MSI2: variants seen among roughly 807,000 people sequenced by gnomAD.
The protein encoded by MSI2 is RNA-binding protein Musashi homolog 2.
Under a neutral mutation model 45.6 loss-of-function variants are expected in MSI2, and 17 were observed. The ratio of observed to expected loss-of-function variants is 0.37; its 90% CI spans 0.26 to 0.56. The LOEUF (loss-of-function observed/expected upper bound fraction) is 0.56, where lower values mean the gene tolerates loss of function less well. Among genes scored for constraint, MSI2 ranks in the 20% least tolerant of loss-of-function variants. The probability of loss-of-function intolerance (pLI) is 0.77; values close to 1 mark genes in which losing one functional copy is unlikely to be tolerated. For missense variants in MSI2, 293 were observed against 444.2 expected (o/e 0.66, Z 3.06); for synonymous variants, 156 against 158.2 (o/e 0.99, Z 0.11).
chr17:57,325,487 A>C, intron 5 of MSI2, among the ~76,000 whole-genome samples: 1 of 152,240 alleles, frequency 6.6e-6, no homozygotes, highest in South Asian at 2.1e-4. Context: ...AAGAAAGTGG[A>C]GTCTAAAAAA....
At position 57,682,311 on chromosome 17, in the gene MSI2, T is replaced by C. The variant is rs1913652848; in HGVS notation, c.*2794T>C. On this transcript the variant is annotated 3_prime_UTR_variant, in exon 14 of 14. Transcript: ENST00000284073. ...AATGCCGGCGGACTCTACGGCGTTT[T>C]GTAGATCCCCCCCCCCCCACCCACT... 1 of 183,596 alleles carries C rather than the reference T, an allele frequency of 5.4e-6. No individual in the cohort carries two copies. The highest frequency in any genetic ancestry group is 6.7e-5 in the Admixed American group (1 of 14,844). The allele number at this position is 183,596 out of a possible 1,614,324, so 11.4% of individuals were successfully genotyped here.
At chr17:57,390,726 T>C (rs1444065481) in intron 5 of MSI2, among the ~76,000 whole-genome samples, 1 of 152,210 alleles carries the variant, frequency 6.6e-6, no homozygotes, top group Non-Finnish European at 1.5e-5. Flanking sequence ...CAGGCCAGAT[T>C]GTTGCTGATG....
the MSI2 span, among the ~76,000 whole-genome samples, chr17:57,695,815 G>A: frequency 4.3e-4 from 65 of 152,284 alleles, no homozygotes; most frequent in African/African-American, 1.4e-3. Context: ...AGATCAGGGC[G>A]CTGACTGTTC....
intron 5 of MSI2, chr17:57,265,218 AT>A (rs1270624903): frequency 6.6e-6 from 1 of 152,176 alleles, no homozygotes; most frequent in East Asian, 1.9e-4. Context: ...TTTATCGATT[AT>A]CTCCCTTCAA....
chr17:57,679,375 A>G (rs1019032202), intron 13 of MSI2, among the ~76,000 whole-genome samples, 174 bp from the exon 14 acceptor site: 1 of 152,236 alleles, frequency 6.6e-6, no homozygotes, highest in Non-Finnish European at 1.5e-5. Flanking sequence ...TGATCTCAGT[A>G]AGCTTCTAGC....
chr17:57,402,756 G>C (rs1051303540), intron 6 of MSI2, among the ~76,000 whole-genome samples: 1 of 152,328 alleles, frequency 6.6e-6, no homozygotes, highest in East Asian at 1.9e-4. Context: ...CTCCAGCCCA[G>C]CCTTGCATTC....
At chr17:57,623,010 C>A (rs894451296) in intron 9 of MSI2, among the ~76,000 whole-genome samples, 1 of 152,104 alleles carries the variant, frequency 6.6e-6, no homozygotes, top group Admixed American at 6.5e-5. Flanking sequence ...GTGGCTTTTG[C>A]GAATGAGGAA....
Position 57,424,597 on chromosome 17 carries a change from C to T in MSI2, c.405+23126C>T, listed in dbSNP as rs181039448. Among the ~76,000 whole-genome samples, 115 of 152,296 alleles carry T rather than the reference C, an allele frequency of 7.6e-4. 1 individual carries two copies. Among genetic ancestry groups the T allele is most frequent in the African/African-American group, 2.6e-3 (108 of 41,566 alleles). On this transcript the variant is annotated intron_variant, in intron 6 of 13. Transcript: ENST00000284073. ...TCTGTGTGGTGTGAGGCTTGGGAGC[C>T]ATTAACACATGACTATCTAGTGTCA...
At position 57,308,459 on chromosome 17, in the gene MSI2, C is replaced by A. The variant is rs1272322085; in HGVS notation, c.312+46267C>A. 2.6e-5 allele frequency among the ~76,000 whole-genome samples: 4 copies of A among 152,130 alleles called. No homozygotes were observed. In the East Asian group the frequency reaches 5.8e-4, roughly 22 times the overall value. On this transcript the variant is annotated intron_variant, in intron 5 of 13. Transcript: ENST00000284073. ...ATTGCCCCATGTTAATGCTGAGAAA[C>A]GAAAGCATAGAACTTAAGTGGCTTA...
intron 5 of MSI2, among the ~76,000 whole-genome samples, chr17:57,281,371 C>T (rs925065900): frequency 6.6e-6 from 1 of 152,212 alleles, no homozygotes; most frequent in South Asian, 2.1e-4. Flanking sequence ...TTCCCCGTCT[C>T]TCTGGTGGAT....
rs755142115 is a variant in MSI2, at chr17:57,507,183, G to C, written c.406-22493G>C. On this transcript the variant is annotated intron_variant, in intron 6 of 13. Transcript: ENST00000284073. ...TGTTTCTCTGTGTGTGTTGGGGGGG[G>C]GGGGTGTAAATCTCTTCCCATTGGT... 1.2e-4 allele frequency among the ~76,000 whole-genome samples: 18 copies of C among 150,052 alleles called. 2 individuals are homozygous for C. The highest frequency in any genetic ancestry group is 4.2e-4 in the African/African-American group (17 of 40,582).
rs1217835043 is a variant in MSI2 at position 57,279,997 on chromosome 17, G to A, written c.312+17805G>A. 2.0e-5 allele frequency: 3 copies of A among 150,780 alleles called. No homozygotes were observed. The East Asian group carries it at 5.8e-4, about 29-fold the overall frequency. 9.3% of individuals were successfully genotyped at this position (150,780 alleles called of 1,614,324 possible). On this transcript the variant is annotated intron_variant, in intron 5 of 13. Transcript: ENST00000284073. ...CATAAATGCTATACATCCATGCATT[G>A]GATGTTAAAGGGATCATAACAAAAA...
chr17:57,531,443 C>T (rs1474764726), intron 7 of MSI2, among the ~76,000 whole-genome samples: 1 of 152,182 alleles, frequency 6.6e-6, no homozygotes, highest in Non-Finnish European at 1.5e-5. Context: ...AACTGAGAGA[C>T]CCATGGCTGA....
intron 11 of MSI2, among the ~76,000 whole-genome samples, chr17:57,663,599 G>C (rs1797745062): frequency 6.6e-6 from 1 of 152,226 alleles, no homozygotes; most frequent in African/African-American, 2.4e-5. Flanking sequence ...AGGTGGAAAG[G>C]TGGCGGCAGC....
At chr17:57,383,909 T>G (rs577803388) in intron 5 of MSI2, among the ~76,000 whole-genome samples, 1 of 152,338 alleles carries the variant, frequency 6.6e-6, no homozygotes, top group African/African-American at 2.4e-5. Context: ...TCTGGGAGAC[T>G]TGCTCACGTG....
At position 57,611,575 on chromosome 17, in the gene MSI2, A is replaced by G. The variant is rs1488844073; in HGVS notation, c.538-4395A>G. 2.1e-5 allele frequency among the ~76,000 whole-genome samples: 2 copies of G among 96,628 alleles called. 1 individual carries two copies. Among genetic ancestry groups the G allele is most frequent in the Non-Finnish European group, 5.0e-5 (2 of 39,980 alleles). 63.4% of individuals were successfully genotyped at this position (96,628 alleles called of 152,430 possible). On this transcript the variant is annotated intron_variant, in intron 8 of 13. Coordinates refer to ENST00000284073, the MANE Select transcript of MSI2 (RefSeq NM_138962.4). Reference sequence around the variant, plus strand: ...GTCACCAGTAGAATGTGTGGGAGGGAACACTGTGAGTCCCAAGGCTAGGTT... The same window carrying G: ...GTCACCAGTAGAATGTGTGGGAGGGGACACTGTGAGTCCCAAGGCTAGGTT...
In MSI2 at chr17:57,542,298, T is replaced by G. The variant is rs185910214; in HGVS notation, c.454+12574T>G. Among the ~76,000 whole-genome samples the G allele has an allele frequency of 3.4e-3, 520 of 152,354 alleles. 1 individual carries two copies. Among genetic ancestry groups the G allele is most frequent in the African/African-American group, 0.012 (495 of 41,584 alleles). On this transcript the variant is annotated intron_variant, in intron 7 of 13. Transcript: ENST00000284073. ...GAAGGGACCTTTCCCAAAGTTCATC[T>G]CTTCCCTTACGTTCTTCTAGTTGGA...
chr17:57,440,849 A>G (rs1446635583), intron 6 of MSI2: 8 of 152,146 alleles, frequency 5.3e-5, no homozygotes, highest in African/African-American at 1.7e-4. Context: ...TGGTATTTTA[A>G]GCCACAGAAA....
chr17:57,613,267 T>C (rs1907345304), intron 8 of MSI2, among the ~76,000 whole-genome samples: 1 of 152,206 alleles, frequency 6.6e-6, no homozygotes, highest in African/African-American at 2.4e-5. Flanking sequence ...CTATATGATA[T>C]ATGCACTTGT....
Sources: allele counts gnomAD v4.1 joint callset (sites outside exome capture counted in the v4.1 genomes callset), GRCh38; gene constraint gnomAD v4.1.1; transcripts MANE v1.5; gene names NCBI Gene and HGNC (gene_info 2026-07-23, HGNC 2026-07-21).